TDRD9: variants seen among roughly 807,000 people sequenced by gnomAD.
TDRD9 encodes the protein tudor domain containing 9, also known as ATP-dependent RNA helicase TDRD9.
Under a neutral mutation model 172.6 loss-of-function variants are expected in TDRD9, and 124 were observed. The observed-to-expected ratio is 0.72, with a 90% confidence interval of 0.62 to 0.83. The LOEUF is 0.83. TDRD9 is among the 40% of genes least tolerant of loss of function. The pLI, the probability that TDRD9 is intolerant of heterozygous loss-of-function variation, is 0.00. For synonymous variants in TDRD9, 619 were observed against 617.1 expected, an observed-to-expected ratio of 1.00 and a Z score of -0.05; for missense variants, 1,479 against 1,714.1, an observed-to-expected ratio of 0.86 and a Z score of 2.42.
At chr14:103,960,600 C>A (rs1393872438) in intron 2 of TDRD9, among the ~76,000 whole-genome samples, 1 of 152,248 alleles carries the variant, frequency 6.6e-6, no homozygotes, top group African/African-American at 2.4e-5. Flanking sequence ...GAGAGCCACA[C>A]AGCTGGGAAC....
intron 32 of TDRD9, among the ~76,000 whole-genome samples, chr14:104,038,858 A>G (rs1322638294): frequency 6.6e-6 from 1 of 152,004 alleles, no homozygotes; most frequent in Non-Finnish European, 1.5e-5. Flanking sequence ...TTAGTAGAGA[A>G]GGGGTTTCGC....
chr14:103,985,588 T>C (rs1378570478), intron 7 of TDRD9, among the ~76,000 whole-genome samples: 1 of 152,156 alleles, frequency 6.6e-6, no homozygotes, highest in African/African-American at 2.4e-5. Flanking sequence ...GTGCCTAGTG[T>C]TTGGTAGCGG....
intron 23 of TDRD9, among the ~76,000 whole-genome samples, chr14:104,019,562 A>G (rs1434169783): frequency 6.6e-6 from 1 of 152,192 alleles, no homozygotes; most frequent in Non-Finnish European, 1.5e-5. Context: ...GGGAAGTAAC[A>G]GTATTCTTTC....
chr14:103,970,619 A>G lies in TDRD9; in HGVS notation c.844A>G (p.Lys282Glu). 6.5e-7 allele frequency: 1 copy of G among 1,547,956 alleles called. No individual in the cohort carries two copies. ...CTTAAGAACAAATTCACGTTTTGTG[A>G]AGGTAAATTTGATTTCATGAGTAAC... The part of the protein sequence containing the change: ...KLLRTNSRFV[K>E]VVLMSATISC... Residue 282 changes from lysine (K) to glutamate (E), a missense_variant and splice_region_variant, in exon 6 of 36, where the codon AAG (lysine) becomes GAG (glutamate). Physicochemically the swap from Lys to Glu is moderately conservative, Grantham distance 56. Coordinates refer to ENST00000409874, the MANE Select transcript of TDRD9 (RefSeq NM_153046.3).
At chr14:104,051,323 G>C (rs773324232) in intron 35 of TDRD9, among the ~76,000 whole-genome samples, 26 of 152,124 alleles carry the variant, frequency 1.7e-4, no homozygotes, top group Non-Finnish European at 3.1e-4. Flanking sequence ...TGGTATGTGT[G>C]TACCACATCT....
chr14:104,051,393 A>T (rs1459800159), intron 35 of TDRD9, among the ~76,000 whole-genome samples: 5 of 152,220 alleles, frequency 3.3e-5, no homozygotes, highest in South Asian at 2.1e-4. Context: ...TGCTATTGTG[A>T]ATAGTGCTGT....
intron 2 of TDRD9, among the ~76,000 whole-genome samples, chr14:103,956,275 T>C (rs1190830769): frequency 6.7e-6 from 1 of 148,872 alleles, no homozygotes; most frequent in East Asian, 2.0e-4. Context: ...CCGTCTCTAC[T>C]AAAAATACAA....
intron 8 of TDRD9, among the ~76,000 whole-genome samples, chr14:103,989,400 A>G (rs887690404): frequency 1.3e-5 from 2 of 152,218 alleles, no homozygotes; most frequent in African/African-American, 2.4e-5. Flanking sequence ...TTTTGGATGC[A>G]TGGTAATACC....
At chr14:103,930,462 C>T (rs1201814154) in intron 1 of TDRD9, among the ~76,000 whole-genome samples, 1 of 152,218 alleles carries the variant, frequency 6.6e-6, no homozygotes, top group African/African-American at 2.4e-5. Context: ...AGGTGTGAGT[C>T]ACCGTGCCTG....
At chr14:103,982,314 A>G (rs1019074459) in intron 7 of TDRD9, among the ~76,000 whole-genome samples, 4 of 151,854 alleles carry the variant, frequency 2.6e-5, no homozygotes, top group African/African-American at 9.7e-5. Context: ...CTCATTCTCT[A>G]CTTTTCTACC....
At chr14:104,031,550 C>T (rs1249478127) in intron 29 of TDRD9, among the ~76,000 whole-genome samples, 5 of 137,242 alleles carry the variant, frequency 3.6e-5, no homozygotes. Context: ...CGTGTGGGTT[C>T]AGAGAACTGG....
intron 1 of TDRD9, among the ~76,000 whole-genome samples, chr14:103,938,683 C>T (rs1049412167): frequency 6.6e-5 from 10 of 151,528 alleles, no homozygotes; most frequent in Non-Finnish European, 1.2e-4. Context: ...GTGATTCGCC[C>T]GCCTCGGCCT....
Position 104,052,377 on chromosome 14 carries a change from G to C in TDRD9, c.*295G>C, listed in dbSNP as rs1275089931. Reference sequence around the variant, plus strand: ...CTGTTTGGATAAAGAGCTGTATTTTGCTTTAAATTTATTAAGGTAAATATA... The same window carrying C: ...CTGTTTGGATAAAGAGCTGTATTTTCCTTTAAATTTATTAAGGTAAATATA... On this transcript the variant is annotated 3_prime_UTR_variant, in exon 36 of 36. Coordinates refer to ENST00000409874, the MANE Select transcript of TDRD9 (RefSeq NM_153046.3). 2.9e-5 allele frequency: 6 copies of C among 208,448 alleles called. No homozygotes were observed. The highest frequency in any genetic ancestry group is 4.9e-5 in the Non-Finnish European group (5 of 102,516). The allele number at this position is 208,448 out of a possible 1,614,324, so 12.9% of individuals were successfully genotyped here. A position where few individuals can be genotyped will look rare whatever the true frequency, so the allele number is the denominator to read the frequency against.
intron 12 of TDRD9, among the ~76,000 whole-genome samples, chr14:103,996,921 C>T (rs2034079393): frequency 6.6e-6 from 1 of 151,976 alleles, no homozygotes; most frequent in Non-Finnish European, 1.5e-5. Flanking sequence ...CCATACCTGG[C>T]AAAAGAGTGT....
intron 31 of TDRD9, among the ~76,000 whole-genome samples, chr14:104,034,680 C>A (rs1047155477): frequency 9.2e-5 from 14 of 152,214 alleles, no homozygotes; most frequent in Non-Finnish European, 1.9e-4. Flanking sequence ...TGGGAAAAAT[C>A]CAATAGCCTG....
At chr14:104,012,192 C>G (rs572985287) in intron 20 of TDRD9, among the ~76,000 whole-genome samples, 11 of 152,214 alleles carry the variant, frequency 7.2e-5, no homozygotes, top group Non-Finnish European at 1.5e-4. Flanking sequence ...GCCCAAGGCC[C>G]CACCGTCAAT....
At chr14:103,998,791 C>CTT (rs369179781) in intron 13 of TDRD9, 63 bp downstream of exon 13, 2,726 of 626,102 alleles carry the variant, frequency 4.4e-3, no homozygotes, top group South Asian at 7.6e-3. Context: ...CATTCAGGTG[C>CTT]TTTTTTTTTT....
chr14:103,982,216 C>A (rs1013844572), intron 7 of TDRD9, among the ~76,000 whole-genome samples: 1 of 152,240 alleles, frequency 6.6e-6, no homozygotes, highest in African/African-American at 2.4e-5. Context: ...CTTGTCCACA[C>A]TGAAACATAA....
chr14:103,946,251 T>C (rs887761021), intron 1 of TDRD9, among the ~76,000 whole-genome samples: 4 of 152,238 alleles, frequency 2.6e-5, no homozygotes, highest in Admixed American at 6.5e-5. Context: ...ATTATAGGCA[T>C]GAGCCACTGT....
Sources: allele counts gnomAD v4.1 joint callset (sites outside exome capture counted in the v4.1 genomes callset), GRCh38; gene constraint gnomAD v4.1.1; transcripts MANE v1.5; gene names NCBI Gene and HGNC (gene_info 2026-07-23, HGNC 2026-07-21).